Variants in PPM1L observed in about 807,000 individuals in gnomAD.
PPM1L encodes protein phosphatase 1L.
In PPM1L, 13 loss-of-function variants were observed where a neutral mutation model predicts 31.4. The ratio of observed to expected loss-of-function variants is 0.41; its 90% CI spans 0.27 to 0.66. PPM1L has a LOEUF of 0.66. Ranked by LOEUF, PPM1L falls within the 30% of genes least tolerant of loss-of-function variation. The pLI is 0.29. For synonymous variants in PPM1L, 184 were observed against 175.4 expected, an observed-to-expected ratio of 1.05 and a Z score of -0.39; for missense variants, 326 against 453.7, an observed-to-expected ratio of 0.72 and a Z score of 2.56.
intron 2 of PPM1L, among the ~76,000 whole-genome samples, chr3:161,016,885 C>T (rs561996370): frequency 1.3e-5 from 2 of 152,240 alleles, no homozygotes; most frequent in African/African-American, 2.4e-5. Flanking sequence ...GCTTGCTCAT[C>T]GACTGGGTAT....
chr3:160,781,443 A>G (rs1711745269), intron 1 of PPM1L, among the ~76,000 whole-genome samples: 1 of 152,164 alleles, frequency 6.6e-6, no homozygotes, highest in Non-Finnish European at 1.5e-5. Context: ...ATTTGTATAT[A>G]CTATAGAAGT....
At chr3:160,967,296 C>A (rs1210143981) in intron 2 of PPM1L, among the ~76,000 whole-genome samples, 1 of 151,958 alleles carries the variant, frequency 6.6e-6, no homozygotes, top group Non-Finnish European at 1.5e-5. Context: ...TTGGGTATTT[C>A]TTCATAGCAG....
chr3:160,894,106 G>C (rs1485030909), intron 1 of PPM1L, among the ~76,000 whole-genome samples: 1 of 152,080 alleles, frequency 6.6e-6, no homozygotes, highest in Non-Finnish European at 1.5e-5. Flanking sequence ...ATGTATGATG[G>C]GTTTATCAGG....
chr3:160,812,115 C>A (rs1244841066), intron 1 of PPM1L, among the ~76,000 whole-genome samples: 1 of 152,216 alleles, frequency 6.6e-6, no homozygotes, highest in Non-Finnish European at 1.5e-5. Flanking sequence ...TGCTCTTTAG[C>A]TGCCTAAAGA....
intron 1 of PPM1L, among the ~76,000 whole-genome samples, chr3:160,854,609 CACACACACAT>C (rs1371128894): frequency 1.3e-5 from 2 of 151,988 alleles, no homozygotes; most frequent in African/African-American, 2.4e-5. Context: ...CACATACACA[CACACACACAT>C]ACACACACAT....
intron 2 of PPM1L, among the ~76,000 whole-genome samples, chr3:161,045,976 T>C (rs141857773): frequency 0.012 from 1,823 of 151,918 alleles, 75 homozygotes; most frequent in Admixed American, 0.072. Flanking sequence ...CCAGGCGTGG[T>C]GGCAGGTGCC....
intron 2 of PPM1L, among the ~76,000 whole-genome samples, chr3:161,046,310 C>T (rs1719067474): frequency 6.6e-6 from 1 of 151,968 alleles, no homozygotes; most frequent in Non-Finnish European, 1.5e-5. Flanking sequence ...ACTATAAACA[C>T]CTCTATGCAA....
intron 1 of PPM1L, among the ~76,000 whole-genome samples, chr3:160,805,341 C>G (rs564178408): frequency 1.3e-5 from 2 of 152,226 alleles, no homozygotes; most frequent in African/African-American, 4.8e-5. Context: ...AACAGTGGTA[C>G]CTCCACTAGG....
At chr3:160,926,983 T>G (rs1379495466) in intron 1 of PPM1L, among the ~76,000 whole-genome samples, 1 of 152,238 alleles carries the variant, frequency 6.6e-6, no homozygotes, top group Non-Finnish European at 1.5e-5. Flanking sequence ...CCTCACAGCA[T>G]GTATTATTTC....
chr3:160,819,203 C>A (rs1266176088), intron 1 of PPM1L, among the ~76,000 whole-genome samples: 2 of 151,942 alleles, frequency 1.3e-5, no homozygotes, highest in African/African-American at 4.8e-5. Context: ...GCCTAAATTT[C>A]TTTTAAATTA....
At chr3:161,044,123 T>TCTGCCTCCTGGGTTCAAGCAATTCTC (rs1391610788) in intron 2 of PPM1L, among the ~76,000 whole-genome samples, 1 of 152,162 alleles carries the variant, frequency 6.6e-6, no homozygotes, top group Non-Finnish European at 1.5e-5. Flanking sequence ...CACTGCAACC[T>TCTGCCTCCTGGGTTCAAGCAATTCTC]CTGCCTCCTG....
rs992589928 is a variant in PPM1L at position 161,021,075 on chromosome 3, A to T, written c.575-44328A>T. ...ATTTATTTATGCTCTAATCTTTATT[A>T]TTTTCTTTCTTCTTTGGGGTTTAGT... On this transcript the variant is annotated intron_variant, in intron 2 of 3. Transcript: ENST00000498165. 5.3e-5 allele frequency among the ~76,000 whole-genome samples: 8 copies of T among 150,810 alleles called. No individual in the cohort carries two copies. In the East Asian group the frequency reaches 1.6e-3, roughly 30 times the overall value.
chr3:160,978,406 G>A (rs530334976), intron 2 of PPM1L, among the ~76,000 whole-genome samples: 28 of 152,326 alleles, frequency 1.8e-4, no homozygotes, highest in African/African-American at 6.7e-4. Context: ...GGAAATAAGA[G>A]GTACGGGAGC....
chr3:160,764,712 C>A (rs921675214), intron 1 of PPM1L, among the ~76,000 whole-genome samples: 1 of 152,162 alleles, frequency 6.6e-6, no homozygotes, highest in African/African-American at 2.4e-5. Flanking sequence ...AGGCAATCTG[C>A]CCCCCTCGGC....
intron 1 of PPM1L, among the ~76,000 whole-genome samples, chr3:160,876,775 G>T (rs1348121202): frequency 6.6e-6 from 1 of 152,206 alleles, no homozygotes; most frequent in Admixed American, 6.5e-5. Context: ...CCATATTGTG[G>T]GTGGCCACGT....
chr3:160,912,931 C>A (rs953151727), intron 1 of PPM1L, among the ~76,000 whole-genome samples: 1 of 152,080 alleles, frequency 6.6e-6, no homozygotes, highest in African/African-American at 2.4e-5. Flanking sequence ...ATGTAGATAA[C>A]CCTAAGCTTT....
At chr3:160,861,338 A>C (rs1424611718) in intron 1 of PPM1L, among the ~76,000 whole-genome samples, 2 of 152,236 alleles carry the variant, frequency 1.3e-5, no homozygotes, top group African/African-American at 2.4e-5. Flanking sequence ...TAGCTTTAAC[A>C]TGAGAAAGCC....
At chr3:160,899,614 C>T (rs550544336) in intron 1 of PPM1L, among the ~76,000 whole-genome samples, 1 of 152,178 alleles carries the variant, frequency 6.6e-6, no homozygotes, top group East Asian at 1.9e-4. Context: ...TAATTAGTAA[C>T]TTTAGTTTTA....
At chr3:161,039,982 T>C (rs181328912) in intron 2 of PPM1L, among the ~76,000 whole-genome samples, 163 of 144,508 alleles carry the variant, frequency 1.1e-3, no homozygotes, top group Admixed American at 1.7e-3. Context: ...TTTTGGACTT[T>C]TAAAACTTGG....
Sources: gnomAD v4.1 joint callset for allele counts (sites outside exome capture counted in the v4.1 genomes callset) on GRCh38, gnomAD v4.1.1 for gene constraint, MANE v1.5 for transcripts, NCBI Gene and HGNC (gene_info 2026-07-23, HGNC 2026-07-21) for gene names.